The following PDE4B variants were observed in gnomAD, a reference collection of about 807,000 sequenced individuals.
PDE4B encodes phosphodiesterase 4B.
In PDE4B, 20 loss-of-function variants were observed where a neutral mutation model predicts 82.2. That is an observed-to-expected ratio of 0.24 (90% CI 0.17 to 0.35). The LOEUF (loss-of-function observed/expected upper bound fraction) is 0.35, where lower values mean the gene tolerates loss of function less well. Ranked by LOEUF, PDE4B falls within the 10% of genes least tolerant of loss-of-function variation. The pLI, the probability that PDE4B is intolerant of heterozygous loss-of-function variation, is 1.00. For synonymous variants in PDE4B, 320 were observed against 318.9 expected (o/e 1.00, Z -0.04); for missense variants, 655 against 907.2 (o/e 0.72, Z 3.57).
chr1:65,819,499 G>GTTTTTTTT (rs11438074), intron 1 of PDE4B, among the ~76,000 whole-genome samples: 16 of 145,404 alleles, frequency 1.1e-4, no homozygotes, highest in African/African-American at 4.1e-4. Flanking sequence ...GTTTGTTTTT[G>GTTTTTTTT]TTTTGTTTTT....
intron 3 of PDE4B, among the ~76,000 whole-genome samples, chr1:65,969,557 A>G (rs1650023020): frequency 6.6e-6 from 1 of 152,128 alleles, no homozygotes; most frequent in African/African-American, 2.4e-5. Flanking sequence ...AGTTGAAAAA[A>G]CTTTTTTCTG....
chr1:66,179,016 T>A (rs1647002591), intron 3 of PDE4B, among the ~76,000 whole-genome samples: 1 of 152,082 alleles, frequency 6.6e-6, no homozygotes, highest in African/African-American at 2.4e-5. Flanking sequence ...AAGGACTGGA[T>A]AATTTTTTTA....
intron 3 of PDE4B, among the ~76,000 whole-genome samples, chr1:66,027,298 A>G (rs139922365): frequency 5.3e-5 from 8 of 152,268 alleles, no homozygotes; most frequent in African/African-American, 1.9e-4. Flanking sequence ...CGATAAACCC[A>G]TCAGATTTTG....
intron 3 of PDE4B, among the ~76,000 whole-genome samples, chr1:66,075,285 A>T (rs1364920381): frequency 6.6e-6 from 1 of 152,072 alleles, no homozygotes; most frequent in East Asian, 2.0e-4. Flanking sequence ...GCCCTACATC[A>T]GCTGGGCTAT....
intron 7 of PDE4B, among the ~76,000 whole-genome samples, chr1:66,272,116 C>A (rs905045322): frequency 2.6e-5 from 4 of 152,202 alleles, no homozygotes; most frequent in Non-Finnish European, 4.4e-5. Context: ...CTGTGTCCTC[C>A]CAAACCCTAG....
chr1:66,115,631 T>C (rs1006349516), intron 3 of PDE4B, among the ~76,000 whole-genome samples: 1 of 152,250 alleles, frequency 6.6e-6, no homozygotes, highest in Non-Finnish European at 1.5e-5. Flanking sequence ...GGCGTCCCAG[T>C]AGGCACATTC....
intron 3 of PDE4B, among the ~76,000 whole-genome samples, chr1:66,033,788 C>T (rs1368400918): frequency 1.4e-4 from 21 of 146,218 alleles, no homozygotes; most frequent in Admixed American, 2.7e-4. Context: ...TTCTTTCTTT[C>T]TTTTTTGTAA....
intron 3 of PDE4B, among the ~76,000 whole-genome samples, chr1:65,963,472 A>G (rs1474818567): frequency 2.6e-5 from 4 of 152,190 alleles, no homozygotes; most frequent in Admixed American, 2.6e-4. Flanking sequence ...GCCAGCTGTG[A>G]TTTACAATTT....
In PDE4B at chr1:65,814,713, T is replaced by C. The variant is rs185699129; in HGVS notation, c.-71+21465T>C. Among the ~76,000 whole-genome samples the C allele has an allele frequency of 4.5e-3, 682 of 152,244 alleles. 5 individuals carry two copies. Among genetic ancestry groups the C allele is most frequent in the African/African-American group, 0.015 (633 of 41,550 alleles). On this transcript the variant is annotated intron_variant, in intron 1 of 16. Coordinates refer to ENST00000341517, the MANE Select transcript of PDE4B (RefSeq NM_002600.4). ...AATAGAATCATATAGTATCTGCTTT[T>C]TTTTGTTTCTGTCACTCAAAGGATG...
chr1:66,230,101 C>A (rs1438508376), intron 3 of PDE4B, among the ~76,000 whole-genome samples: 7 of 152,222 alleles, frequency 4.6e-5, no homozygotes, highest in Admixed American at 6.5e-5. Context: ...TAAGCAGTCA[C>A]TTCCACAGAG....
At chr1:66,185,674 G>A (rs1647176869) in intron 3 of PDE4B, among the ~76,000 whole-genome samples, 1 of 151,962 alleles carries the variant, frequency 6.6e-6, no homozygotes, top group South Asian at 2.1e-4. Context: ...TTCGCCCACT[G>A]GTTGATGGAG....
chr1:65,950,783 G>A (rs1462339409), intron 3 of PDE4B, among the ~76,000 whole-genome samples: 1 of 152,026 alleles, frequency 6.6e-6, no homozygotes, highest in Non-Finnish European at 1.5e-5. Flanking sequence ...TGAGCTGTTT[G>A]TTGTTATCTC....
intron 7 of PDE4B, among the ~76,000 whole-genome samples, chr1:66,325,827 A>T (rs1659712327): frequency 1.3e-5 from 2 of 152,206 alleles, no homozygotes; most frequent in Admixed American, 6.5e-5. Flanking sequence ...GAAGTTCCTG[A>T]CACGTGCCGG....
chr1:66,189,394 G>A (rs576299629), intron 3 of PDE4B, among the ~76,000 whole-genome samples: 1 of 152,202 alleles, frequency 6.6e-6, no homozygotes, highest in South Asian at 2.1e-4. Context: ...TGCTAGATTG[G>A]GGAAGTTCTC....
At chr1:66,032,932 G>A (rs1399182084) in intron 3 of PDE4B, among the ~76,000 whole-genome samples, 1 of 152,120 alleles carries the variant, frequency 6.6e-6, no homozygotes, top group African/African-American at 2.4e-5. Flanking sequence ...GGGATTACAG[G>A]CGTGAGCCAC....
At chr1:65,993,198 A>G in intron 3 of PDE4B, 5 of 1,303,268 alleles carry the variant, frequency 3.8e-6, no homozygotes, top group Non-Finnish European at 5.4e-6. Flanking sequence ...CATTAGCACC[A>G]GTGATCTAGC....
At chr1:66,319,137 G>GGTCGTGTGTGATCTGA (rs1553169805) in intron 7 of PDE4B, among the ~76,000 whole-genome samples, 1 of 152,148 alleles carries the variant, frequency 6.6e-6, no homozygotes, top group Non-Finnish European at 1.5e-5. Context: ...ATGTATCCAA[G>GGTCGTGTGTGATCTGA]GTCGTGTGTG....
At chr1:66,215,086 G>A (rs192519808) in intron 3 of PDE4B, among the ~76,000 whole-genome samples, 17 of 152,244 alleles carry the variant, frequency 1.1e-4, no homozygotes, top group Admixed American at 4.6e-4. Flanking sequence ...ATGAGGTAAT[G>A]GGGTGTTTTG....
At chr1:66,144,477 C>A (rs1368534783) in intron 3 of PDE4B, among the ~76,000 whole-genome samples, 2 of 152,090 alleles carry the variant, frequency 1.3e-5, no homozygotes, top group South Asian at 2.1e-4. Context: ...TCCAGCTGCA[C>A]CAAAGATTTG....
Sources: allele counts gnomAD v4.1 joint callset (sites outside exome capture counted in the v4.1 genomes callset), GRCh38; gene constraint gnomAD v4.1.1; transcripts MANE v1.5; gene names NCBI Gene and HGNC (gene_info 2026-07-23, HGNC 2026-07-21).